SLC10A7: variants seen among roughly 807,000 people sequenced by gnomAD.
SLC10A7 encodes the protein solute carrier family 10 member 7, also known as sodium/bile acid cotransporter 7.
A neutral mutation model predicts 43.2 loss-of-function variants in SLC10A7; 29 were observed. The ratio of observed to expected loss-of-function variants is 0.67; its 90% CI spans 0.50 to 0.92. The LOEUF (loss-of-function observed/expected upper bound fraction) is 0.92. Ranked by LOEUF, SLC10A7 falls within the 40% of genes least tolerant of loss-of-function variation. The probability of loss-of-function intolerance (pLI) is 0.00; values close to 1 mark genes in which losing one functional copy is unlikely to be tolerated. For synonymous variants in SLC10A7, 152 were observed against 144.8 expected, an observed-to-expected ratio of 1.05 and a Z score of -0.35; for missense variants, 295 against 403.2, an observed-to-expected ratio of 0.73 and a Z score of 2.30.
chr4:146,288,932 G>C (rs1433153052), intron 9 of SLC10A7, among the ~76,000 whole-genome samples: 1 of 152,046 alleles, frequency 6.6e-6, no homozygotes, highest in Non-Finnish European at 1.5e-5. Flanking sequence ...TCCACATAAT[G>C]TTTATTTTGC....
rs971456792 is a variant in SLC10A7, at chr4:146,377,787, T to C, written c.436-51791A>G. ...CAAGGGCAGAGTCTGCTTTATTAAT[T>C]TGTATATCACAAGTACCTGGAACAG... is the stretch of plus-strand genomic sequence containing the variant. On this transcript the variant is annotated intron_variant, in intron 5 of 11. Transcript: ENST00000335472. 3.9e-5 allele frequency among the ~76,000 whole-genome samples: 6 copies of C among 152,186 alleles called. No homozygotes were observed. In the East Asian group the frequency reaches 7.7e-4, roughly 20 times the overall value.
intron 4 of SLC10A7, among the ~76,000 whole-genome samples, chr4:146,469,029 G>A (rs1441757205): frequency 6.6e-6 from 1 of 152,076 alleles, no homozygotes; most frequent in Admixed American, 6.5e-5. Context: ...GAATCATTCA[G>A]GGTTCTCCTG....
intron 4 of SLC10A7, among the ~76,000 whole-genome samples, chr4:146,459,373 T>C (rs1646163590): frequency 6.6e-6 from 1 of 151,764 alleles, no homozygotes; most frequent in Non-Finnish European, 1.5e-5. Context: ...TTTATTTATT[T>C]ATTCAGGGAA....
intron 3 of SLC10A7, among the ~76,000 whole-genome samples, chr4:146,506,556 T>G (rs1736917808): frequency 6.6e-6 from 1 of 152,174 alleles, no homozygotes; most frequent in Admixed American, 6.5e-5. Flanking sequence ...TTCTGCCCCC[T>G]CTACTAGTAA....
intron 5 of SLC10A7, among the ~76,000 whole-genome samples, chr4:146,369,023 C>T (rs1053409470): frequency 2.0e-5 from 3 of 152,154 alleles, no homozygotes; most frequent in African/African-American, 4.8e-5. Context: ...CTATCAGGGG[C>T]ACTTATTCAG....
chr4:146,370,437 T>C (rs1472633466), intron 5 of SLC10A7, among the ~76,000 whole-genome samples: 1 of 152,250 alleles, frequency 6.6e-6, no homozygotes, highest in Non-Finnish European at 1.5e-5. Flanking sequence ...CTTATCGGTC[T>C]GCCTATTCAT....
intron 3 of SLC10A7, among the ~76,000 whole-genome samples, chr4:146,508,197 T>C (rs1350151961): frequency 1.3e-5 from 2 of 152,220 alleles, no homozygotes; most frequent in Admixed American, 1.3e-4. Flanking sequence ...GCTTATTCTT[T>C]AACTGATTAC....
chr4:146,408,142 G>T (rs1174025998), intron 5 of SLC10A7, among the ~76,000 whole-genome samples: 1 of 152,160 alleles, frequency 6.6e-6, no homozygotes, highest in Non-Finnish European at 1.5e-5. Context: ...GAAATAACAG[G>T]ATAGCATATC....
intron 5 of SLC10A7, among the ~76,000 whole-genome samples, chr4:146,384,851 AT>A (rs920592735): frequency 2.6e-5 from 4 of 151,800 alleles, no homozygotes; most frequent in African/African-American, 9.7e-5. Flanking sequence ...GGATACTTGC[AT>A]TTTTTTTACA....
At chr4:146,398,517 T>C (rs1213651987) in intron 5 of SLC10A7, among the ~76,000 whole-genome samples, 1 of 152,150 alleles carries the variant, frequency 6.6e-6, no homozygotes, top group Non-Finnish European at 1.5e-5. Context: ...GTGGAATATT[T>C]GTTATAAGAA....
chr4:146,375,539 G>A (rs1422938167), intron 5 of SLC10A7, among the ~76,000 whole-genome samples: 4 of 152,086 alleles, frequency 2.6e-5, no homozygotes, highest in Admixed American at 6.6e-5. Flanking sequence ...TCCCTTTAAC[G>A]TATAAGCATT....
chr4:146,363,015 A>G (rs1459856596), intron 5 of SLC10A7, among the ~76,000 whole-genome samples: 1 of 152,064 alleles, frequency 6.6e-6, no homozygotes, highest in African/African-American at 2.4e-5. Context: ...GCTTACCTAT[A>G]AATAATAACA....
chr4:146,415,298 T>C (rs369824871), intron 5 of SLC10A7, among the ~76,000 whole-genome samples: 5 of 152,374 alleles, frequency 3.3e-5, no homozygotes, highest in Admixed American at 2.0e-4. Context: ...GCTGTGGTTC[T>C]TCTCATTACC....
chr4:146,516,676 CA>C (rs1738029596), intron 2 of SLC10A7, among the ~76,000 whole-genome samples: 1 of 151,924 alleles, frequency 6.6e-6, no homozygotes, highest in Non-Finnish European at 1.5e-5. Flanking sequence ...AGATGATCCA[CA>C]AAAGTTATGA....
chr4:146,364,607 G>C (rs1736269339), intron 5 of SLC10A7, among the ~76,000 whole-genome samples: 1 of 152,142 alleles, frequency 6.6e-6, no homozygotes, highest in Admixed American at 6.6e-5. Context: ...CAGAGTGATG[G>C]TTCCCAGAGG....
intron 4 of SLC10A7, among the ~76,000 whole-genome samples, chr4:146,457,989 A>G (rs916601637): frequency 3.3e-5 from 5 of 151,866 alleles, no homozygotes; most frequent in African/African-American, 1.2e-4. Flanking sequence ...TTACGAGACC[A>G]GCACTAACCT....
intron 5 of SLC10A7, among the ~76,000 whole-genome samples, chr4:146,425,942 C>G (rs1221559155): frequency 6.6e-6 from 1 of 152,172 alleles, no homozygotes; most frequent in Non-Finnish European, 1.5e-5. Flanking sequence ...CAAATAAACT[C>G]CTTAGTAAAA....
intron 5 of SLC10A7, among the ~76,000 whole-genome samples, chr4:146,428,549 C>CT (rs11306173): frequency 1.5e-3 from 224 of 145,232 alleles, no homozygotes; most frequent in Middle Eastern, 3.5e-3. Flanking sequence ...CACCTTGGCT[C>CT]TTTTTTTTTT....
chr4:146,389,702 C>T (rs1738275821), intron 5 of SLC10A7, among the ~76,000 whole-genome samples: 1 of 152,164 alleles, frequency 6.6e-6, no homozygotes, highest in Non-Finnish European at 1.5e-5. Context: ...TTATCAGCTT[C>T]TAATGTAACA....
Sources: gnomAD v4.1 joint callset for allele counts (sites outside exome capture counted in the v4.1 genomes callset) on GRCh38, gnomAD v4.1.1 for gene constraint, MANE v1.5 for transcripts, NCBI Gene and HGNC (gene_info 2026-07-23, HGNC 2026-07-21) for gene names.